Variants in DLG2 observed in about 807,000 individuals in gnomAD.
DLG2 encodes the protein discs large MAGUK scaffold protein 2.
DLG2 carries 45 observed loss-of-function variants against 132.5 expected under a neutral mutation model. That is an observed-to-expected ratio of 0.34 (90% CI 0.27 to 0.44). The LOEUF (loss-of-function observed/expected upper bound fraction) is 0.44. DLG2 is among the 20% of genes least tolerant of loss of function. The pLI, the probability that DLG2 is intolerant of heterozygous loss-of-function variation, is 1.00. For synonymous variants in DLG2, 424 were observed against 419.6 expected (o/e 1.01, Z -0.13); for missense variants, 1,045 against 1,196.9 (o/e 0.87, Z 1.87).
intron 17 of DLG2, among the ~76,000 whole-genome samples, chr11:83,825,865 G>A (rs2052595137): frequency 6.6e-6 from 1 of 152,152 alleles, no homozygotes. Flanking sequence ...GTGGCACTAC[G>A]GCCATTCATT....
intron 22 of DLG2, among the ~76,000 whole-genome samples, chr11:83,477,697 A>G (rs2092724558): frequency 2.0e-5 from 3 of 152,062 alleles, no homozygotes; most frequent in Admixed American, 2.0e-4. Flanking sequence ...GGAATGGTAA[A>G]GTATAACAGT....
chr11:83,884,356 G>A (rs2067174997), intron 15 of DLG2, among the ~76,000 whole-genome samples: 1 of 152,316 alleles, frequency 6.6e-6, no homozygotes, highest in Non-Finnish European at 1.5e-5. Context: ...ACAGCAGTCT[G>A]AGATTAAACT....
At chr11:85,146,961 C>T (rs575929080) in intron 5 of DLG2, among the ~76,000 whole-genome samples, 17 of 152,256 alleles carry the variant, frequency 1.1e-4, no homozygotes, top group South Asian at 6.2e-4. Context: ...CTGTGGACAC[C>T]GGTGGAATTT....
At chr11:85,241,800 A>T (rs2075892510) in intron 4 of DLG2, among the ~76,000 whole-genome samples, 1 of 151,960 alleles carries the variant, frequency 6.6e-6, no homozygotes, top group Non-Finnish European at 1.5e-5. Context: ...CTATGTGGCC[A>T]GATTAATAGA....
At chr11:83,713,881 C>T (rs2153668076) in intron 18 of DLG2, among the ~76,000 whole-genome samples, 1 of 152,232 alleles carries the variant, frequency 6.6e-6, no homozygotes, top group South Asian at 2.1e-4. Context: ...TGCGAATGTG[C>T]AAGGATGAAA....
chr11:84,196,114 T>C (rs972234052), intron 8 of DLG2, among the ~76,000 whole-genome samples: 1 of 152,230 alleles, frequency 6.6e-6, no homozygotes, highest in Non-Finnish European at 1.5e-5. Context: ...CAGTAATTTT[T>C]AAAAAATTTA....
chr11:84,124,700 A>G (rs1340265590), intron 9 of DLG2, among the ~76,000 whole-genome samples: 4 of 152,108 alleles, frequency 2.6e-5, no homozygotes, highest in Non-Finnish European at 5.9e-5. Context: ...TGATTATTTG[A>G]TCTCTCATGG....
chr11:84,375,037 C>T (rs1276976186), intron 7 of DLG2, among the ~76,000 whole-genome samples: 1 of 152,094 alleles, frequency 6.6e-6, no homozygotes, highest in Non-Finnish European at 1.5e-5. Context: ...GACTTATATT[C>T]AATACCCAAA....
chr11:85,582,684 A>AAAAAAAAAAC, intron 3 of DLG2, among the ~76,000 whole-genome samples: 1 of 119,488 alleles, frequency 8.4e-6, no homozygotes, highest in Non-Finnish European at 1.8e-5. Context: ...AAAAAAAAAA[A>AAAAAAAAAAC]AAAAAAAAAA....
intron 22 of DLG2, chr11:83,480,613 A>C: frequency 1.3e-6 from 2 of 1,557,616 alleles, no homozygotes; most frequent in Non-Finnish European, 1.7e-6. Context: ...CCGCTGCTTG[A>C]TTGCTGTTTC....
chr11:85,413,311 T>C (rs185850658), intron 3 of DLG2, among the ~76,000 whole-genome samples: 1 of 152,230 alleles, frequency 6.6e-6, no homozygotes, highest in Non-Finnish European at 1.5e-5. Flanking sequence ...TAATCCTTTG[T>C]CTGATGTATA....
chr11:84,317,013 C>A, intron 7 of DLG2: 10 of 1,612,782 alleles, frequency 6.2e-6, no homozygotes, highest in Non-Finnish European at 8.5e-6. Flanking sequence ...GAACTGTACC[C>A]GAGCCCCTGA....
intron 6 of DLG2, among the ~76,000 whole-genome samples, chr11:85,094,440 T>C (rs746545358): frequency 1.7e-4 from 26 of 152,228 alleles, no homozygotes; most frequent in Non-Finnish European, 3.5e-4. Flanking sequence ...TTTTCCTACA[T>C]TGAAAGTCTG....
intron 16 of DLG2, among the ~76,000 whole-genome samples, chr11:83,834,070 C>A (rs2055380725): frequency 6.6e-6 from 1 of 152,052 alleles, no homozygotes. Context: ...TATCAAGCAC[C>A]ACAGTAGTAC....
intron 6 of DLG2, among the ~76,000 whole-genome samples, chr11:84,670,202 C>G (rs186094494): frequency 2.0e-5 from 3 of 152,228 alleles, no homozygotes; most frequent in Non-Finnish European, 4.4e-5. Context: ...TGAGCCTTCC[C>G]TGTCTTCTTC....
intron 6 of DLG2, among the ~76,000 whole-genome samples, chr11:84,650,865 G>GTATATATATATATATA (rs1416161421): frequency 1.5e-4 from 13 of 87,830 alleles, no homozygotes; most frequent in African/African-American, 5.4e-4. Flanking sequence ...GTGTGTGTGT[G>GTATATATATATATATA]TGTGTGTGTA....
At chr11:85,021,253 G>A in intron 6 of DLG2, 1 of 1,285,634 alleles carries the variant, frequency 7.8e-7, no homozygotes, top group Non-Finnish European at 1.1e-6. Context: ...AATAGGAGGA[G>A]GAGGAGGAGG....
chr11:83,847,213 A>T (rs1022027618), intron 16 of DLG2, among the ~76,000 whole-genome samples: 2 of 152,154 alleles, frequency 1.3e-5, no homozygotes, highest in South Asian at 4.1e-4. Flanking sequence ...TAGTTGTGTC[A>T]TTTGTTCTCA....
chr11:83,532,341 T>C (rs1467832013), intron 21 of DLG2, among the ~76,000 whole-genome samples: 1 of 152,142 alleles, frequency 6.6e-6, no homozygotes, highest in South Asian at 2.1e-4. Context: ...AGACTAGATA[T>C]ATTTTCTGAT....
Sources: gnomAD v4.1 joint callset for allele counts (sites outside exome capture counted in the v4.1 genomes callset) on GRCh38, gnomAD v4.1.1 for gene constraint, MANE v1.5 for transcripts, NCBI Gene and HGNC (gene_info 2026-07-23, HGNC 2026-07-21) for gene names.